The following SCOC variants were observed in gnomAD, a reference collection of about 807,000 sequenced individuals.
SCOC encodes the protein short coiled coil protein.
In SCOC, 7 loss-of-function variants were observed where a neutral mutation model predicts 9.9. That is an observed-to-expected ratio of 0.71 (90% CI 0.40 to 1.33). The LOEUF is 1.33. Among genes scored for constraint, SCOC ranks in the 40% most tolerant of loss-of-function variants. The pLI is 0.01. For missense variants in SCOC, 66 were observed against 89.7 expected (o/e 0.74, Z 1.07); for synonymous variants, 19 against 28.2 (o/e 0.67, Z 1.03).
chr4:140,302,716 G>A (rs1284368708), intron 1 of SCOC, among the ~76,000 whole-genome samples: 2 of 152,214 alleles, frequency 1.3e-5, no homozygotes, highest in African/African-American at 4.8e-5. Flanking sequence ...CAAGGCTTAT[G>A]TCATTCAGAA....
At chr4:140,351,028 T>TA (rs544737285) in intron 2 of SCOC, among the ~76,000 whole-genome samples, 138 of 144,416 alleles carry the variant, frequency 9.6e-4, no homozygotes, top group African/African-American at 2.2e-3. Context: ...CATCTCTACT[T>TA]AAAAAAAAAA....
intron 1 of SCOC, chr4:140,284,869 A>G (rs940933905): frequency 5.8e-6 from 1 of 172,758 alleles, no homozygotes; most frequent in African/African-American, 2.4e-5. Flanking sequence ...ATATTTTTAA[A>G]TTCTTGTTAT....
intron 1 of SCOC, among the ~76,000 whole-genome samples, chr4:140,323,722 A>C (rs548900588): frequency 6.6e-6 from 1 of 152,320 alleles, no homozygotes; most frequent in East Asian, 1.9e-4. Flanking sequence ...ATTTATTAAG[A>C]AATTGAAACT....
At chr4:140,291,288 TGATAGGG>T in intron 1 of SCOC, 1 of 379,596 alleles carries the variant, frequency 2.6e-6, no homozygotes, top group Non-Finnish European at 5.3e-6. Flanking sequence ...CCTTTTTTTG[TGATAGGG>T]GCTGCAAGAC....
intron 1 of SCOC, among the ~76,000 whole-genome samples, chr4:140,315,083 C>A (rs1732274346): frequency 6.6e-6 from 1 of 152,172 alleles, no homozygotes; most frequent in African/African-American, 2.4e-5. Flanking sequence ...ACTTAAAGAA[C>A]TTGGTTTTTT....
chr4:140,312,872 C>T (rs1732195908), intron 1 of SCOC, among the ~76,000 whole-genome samples: 1 of 152,150 alleles, frequency 6.6e-6, no homozygotes, highest in African/African-American at 2.4e-5. Context: ...TTAAGAAAAA[C>T]TCAACATTCT....
intron 1 of SCOC, among the ~76,000 whole-genome samples, chr4:140,273,765 T>C (rs973946906): frequency 6.6e-6 from 1 of 152,208 alleles, no homozygotes; most frequent in African/African-American, 2.4e-5. Flanking sequence ...TAAATTTAGC[T>C]CTCCAGATTC....
intron 1 of SCOC, among the ~76,000 whole-genome samples, chr4:140,264,356 A>G (rs780458616): frequency 5.3e-5 from 8 of 152,152 alleles, no homozygotes; most frequent in Admixed American, 5.2e-4. Flanking sequence ...TCCCACCCCA[A>G]CTTGCAACCT....
intron 1 of SCOC, among the ~76,000 whole-genome samples, chr4:140,266,851 G>A (rs1276014618): frequency 6.6e-6 from 1 of 152,070 alleles, no homozygotes; most frequent in Non-Finnish European, 1.5e-5. Flanking sequence ...AGGGAGAGAG[G>A]AAATCTTTGA....
chr4:140,364,164 G>A (rs755837217), intron 2 of SCOC, among the ~76,000 whole-genome samples: 8 of 152,048 alleles, frequency 5.3e-5, no homozygotes, highest in Non-Finnish European at 8.8e-5. Context: ...TTTTCTGTGG[G>A]AATGCAGGAT....
rs1053461620 is a variant in SCOC, at chr4:140,322,837, A to C, written c.-18-20784A>C. On this transcript the variant is annotated intron_variant, in intron 1 of 4. Transcript: ENST00000394205. ...CCATTTGATAAGGAAATTAGTAGGGATAGAAGGAATCCAGGTGCTATTCAT... is the reference window on the plus strand; with the variant it reads ...CCATTTGATAAGGAAATTAGTAGGGCTAGAAGGAATCCAGGTGCTATTCAT... Among the ~76,000 whole-genome samples, 3 of 152,234 alleles carry C rather than the reference A, an allele frequency of 2.0e-5. No individual in the cohort carries two copies. In the South Asian group the frequency reaches 6.2e-4, roughly 32 times the overall value.
At chr4:140,326,152 T>C (rs749740407) in intron 1 of SCOC, among the ~76,000 whole-genome samples, 18 of 152,200 alleles carry the variant, frequency 1.2e-4, no homozygotes, top group Admixed American at 3.9e-4. Context: ...AACAGGTCAG[T>C]GGTTCAGTGG....
At chr4:140,277,611 G>C (rs953801178) in intron 1 of SCOC, among the ~76,000 whole-genome samples, 8 of 152,130 alleles carry the variant, frequency 5.3e-5, no homozygotes, top group Non-Finnish European at 1.0e-4. Context: ...ATAAGCTTTT[G>C]AAGAATATGT....
chr4:140,366,097 T>G (rs1410854603), intron 2 of SCOC: 1 of 359,768 alleles, frequency 2.8e-6, no homozygotes, highest in Non-Finnish European at 5.1e-6. Context: ...AAGATCATGT[T>G]TGTATAATGC....
At chr4:140,350,739 A>C (rs1240796213) in intron 2 of SCOC, among the ~76,000 whole-genome samples, 3 of 152,256 alleles carry the variant, frequency 2.0e-5, no homozygotes, top group Non-Finnish European at 2.9e-5. Context: ...CCTCAGCTGC[A>C]AAATGATCAT....
At chr4:140,275,461 C>T (rs569998382) in intron 1 of SCOC, among the ~76,000 whole-genome samples, 2 of 152,364 alleles carry the variant, frequency 1.3e-5, no homozygotes, top group African/African-American at 4.8e-5. Flanking sequence ...CGTCTTCCCC[C>T]TAAATCAGTA....
intron 1 of SCOC, among the ~76,000 whole-genome samples, chr4:140,267,862 C>G (rs962841188): frequency 1.3e-5 from 2 of 152,144 alleles, no homozygotes; most frequent in African/African-American, 4.8e-5. Context: ...TCTGGAATTC[C>G]CTGGTGGTTT....
At chr4:140,352,145 C>A (rs1727007561) in intron 2 of SCOC, among the ~76,000 whole-genome samples, 1 of 152,204 alleles carries the variant, frequency 6.6e-6, no homozygotes, top group Admixed American at 6.5e-5. Context: ...AGTGCCATTT[C>A]TCTTTACACC....
At chr4:140,306,425 G>A (rs1391957084) in intron 1 of SCOC, among the ~76,000 whole-genome samples, 1 of 152,160 alleles carries the variant, frequency 6.6e-6, no homozygotes, top group African/African-American at 2.4e-5. Context: ...TTAGGATATA[G>A]ACAAGAAAAC....
Sources: allele counts gnomAD v4.1 joint callset (sites outside exome capture counted in the v4.1 genomes callset), GRCh38; gene constraint gnomAD v4.1.1; transcripts MANE v1.5; gene names NCBI Gene and HGNC (gene_info 2026-07-23, HGNC 2026-07-21).